The following PWWP2A variants were observed in gnomAD, a reference collection of about 807,000 sequenced individuals.
PWWP2A encodes PWWP domain containing 2A.
PWWP2A carries 18 observed loss-of-function variants against 48.5 expected under a neutral mutation model. The observed-to-expected ratio is 0.37, with a 90% CI of 0.26 to 0.55. The LOEUF (loss-of-function observed/expected upper bound fraction) is 0.55, where lower values mean the gene tolerates loss of function less well. Ranked by LOEUF, PWWP2A falls within the 20% of genes least tolerant of loss-of-function variation. The pLI is 0.81. For missense variants in PWWP2A, 867 were observed against 976.4 expected (o/e 0.89, Z 1.49); for synonymous variants, 396 against 387.7 (o/e 1.02, Z -0.25).
chr5:160,102,722 G>A (rs1044703756), intron 1 of PWWP2A, among the ~76,000 whole-genome samples: 3 of 152,172 alleles, frequency 2.0e-5, no homozygotes. Context: ...AGTACACATT[G>A]CCAATGAGGG....
chr5:160,045,920 TTTGG>T, the PWWP2A span, among the ~76,000 whole-genome samples: 1 of 151,994 alleles, frequency 6.6e-6, no homozygotes, highest in Non-Finnish European at 1.5e-5. Context: ...TTTTTGTATT[TTTGG>T]TAGAGACAGG....
At chr5:160,116,031 T>C (rs1758103131) in intron 1 of PWWP2A, among the ~76,000 whole-genome samples, 3 of 152,074 alleles carry the variant, frequency 2.0e-5, no homozygotes. Flanking sequence ...ATTCCTTGAA[T>C]TGCTAAATTT....
chr5:160,081,642 G>C (rs893065112), intron 2 of PWWP2A, among the ~76,000 whole-genome samples: 1 of 152,140 alleles, frequency 6.6e-6, no homozygotes, highest in Non-Finnish European at 1.5e-5. Context: ...TAAATTTACT[G>C]TGTGAGGTAA....
At chr5:160,051,482 C>T in the PWWP2A span, among the ~76,000 whole-genome samples, 1 of 152,186 alleles carries the variant, frequency 6.6e-6, no homozygotes, top group East Asian at 1.9e-4. Context: ...TAGGATACCA[C>T]CAACCTCGAT....
At chr5:160,106,168 G>C (rs1756876021) in intron 1 of PWWP2A, among the ~76,000 whole-genome samples, 1 of 152,158 alleles carries the variant, frequency 6.6e-6, no homozygotes, top group Admixed American at 6.5e-5. Context: ...TAAACTAAGT[G>C]GTATGGCGAA....
intron 1 of PWWP2A, among the ~76,000 whole-genome samples, chr5:160,107,932 C>T (rs754176720): frequency 6.6e-6 from 1 of 151,944 alleles, no homozygotes; most frequent in Non-Finnish European, 1.5e-5. Context: ...ACCCGAAAGG[C>T]GGAGGTTCCA....
intron 1 of PWWP2A, among the ~76,000 whole-genome samples, chr5:160,111,403 G>C (rs977384206): frequency 2.6e-5 from 4 of 152,052 alleles, no homozygotes; most frequent in African/African-American, 9.7e-5. Context: ...CCTGACGTCA[G>C]GTGATCTGCC....
downstream of PWWP2A, among the ~76,000 whole-genome samples, chr5:160,058,968 A>G (rs1757624428): frequency 6.6e-6 from 1 of 152,212 alleles, no homozygotes; most frequent in Non-Finnish European, 1.5e-5. Flanking sequence ...GCTGTCATCC[A>G]GGCTATGTTG....
chr5:160,082,858 CTT>C, intron 2 of PWWP2A, among the ~76,000 whole-genome samples: 1 of 152,212 alleles, frequency 6.6e-6, no homozygotes, highest in East Asian at 1.9e-4. Context: ...TTATTTTGTC[CTT>C]TGAGAGAAAG....
Position 160,077,897 on chromosome 5 carries a change from G to A in PWWP2A, c.*258C>T, listed in dbSNP as rs577475277. ...ATATAAAATTCAAGTGAGTTCTTACGTGTGTAATTCACATCATTTTTCTCC... is the reference window on the plus strand; with the variant it reads ...ATATAAAATTCAAGTGAGTTCTTACATGTGTAATTCACATCATTTTTCTCC... On this transcript the variant is annotated 3_prime_UTR_variant, in exon 4 of 4. Transcript: ENST00000456329. The surrounding 1 kb of genome is among the most constrained non-coding windows in gnomAD (Gnocchi z 4.2). 31 of 425,036 alleles carry A rather than the reference G, an allele frequency of 7.3e-5. No individual in the cohort carries two copies. The highest frequency in any genetic ancestry group is 4.6e-4 in the South Asian group (12 of 25,840). 26.3% of individuals were successfully genotyped at this position (425,036 alleles called of 1,614,324 possible). A position where few individuals can be genotyped will look rare whatever the true frequency, so the allele number is the denominator to read the frequency against.
chr5:160,046,643 T>C, the PWWP2A span, among the ~76,000 whole-genome samples: 4 of 152,238 alleles, frequency 2.6e-5, no homozygotes, highest in Non-Finnish European at 4.4e-5. Flanking sequence ...ATACCATAAA[T>C]ATACACAATT....
chr5:160,102,420 A>AAAT (rs1756413144), intron 1 of PWWP2A, among the ~76,000 whole-genome samples: 1 of 150,942 alleles, frequency 6.6e-6, no homozygotes, highest in African/African-American at 2.4e-5. Flanking sequence ...AAAAAAAAAA[A>AAAT]ATGCAGCCAG....
chr5:160,050,441 T>C, the PWWP2A span, among the ~76,000 whole-genome samples: 1 of 152,134 alleles, frequency 6.6e-6, no homozygotes, highest in Non-Finnish European at 1.5e-5. Context: ...TGTGAGACTC[T>C]GTCTTAAAAA....
At chr5:160,045,520 ACTCTCTCT>A in the PWWP2A span, among the ~76,000 whole-genome samples, 659 of 54,872 alleles carry the variant, frequency 0.012, 36 homozygotes, top group Admixed American at 0.11. Context: ...ACACATACAC[ACTCTCTCT>A]CTCTCTCTCT....
At chr5:160,083,196 C>T (rs1325053834) in intron 2 of PWWP2A, among the ~76,000 whole-genome samples, 1 of 152,178 alleles carries the variant, frequency 6.6e-6, no homozygotes, top group African/African-American at 2.4e-5. Context: ...AGACAAACTG[C>T]ATGTAATTCT....
chr5:160,096,567 GC>G (rs1755674742), intron 1 of PWWP2A, among the ~76,000 whole-genome samples: 1 of 152,098 alleles, frequency 6.6e-6, no homozygotes, highest in African/African-American at 2.4e-5. Flanking sequence ...GCATAATTTT[GC>G]CCCCATCACA....
At chr5:160,089,840 G>A (rs951422040), downstream of PWWP2A, 27 of 985,150 alleles carry the variant, frequency 2.7e-5, no homozygotes, top group African/African-American at 3.8e-4. Context: ...AAGAATAAGT[G>A]CCTTTTATCA....
intron 2 of PWWP2A, among the ~76,000 whole-genome samples, chr5:160,084,978 AAAAAAG>A (rs1425932098): frequency 1.3e-5 from 2 of 152,136 alleles, no homozygotes; most frequent in African/African-American, 4.8e-5. Context: ...ATAGTAAAAA[AAAAAAG>A]AAAAAGAAAA....
downstream of PWWP2A, among the ~76,000 whole-genome samples, chr5:160,060,635 C>G (rs1257993896): frequency 6.6e-6 from 1 of 152,190 alleles, no homozygotes. Context: ...GCACATGATC[C>G]TATTTGGATA....
Sources: allele counts gnomAD v4.1 joint callset (sites outside exome capture counted in the v4.1 genomes callset), GRCh38; gene constraint gnomAD v4.1.1; non-coding constraint Gnocchi (gnomAD v3.1); transcripts MANE v1.5; gene names NCBI Gene and HGNC (gene_info 2026-07-23, HGNC 2026-07-21).